The following ZNF438 variants were observed in gnomAD, a reference collection of about 807,000 sequenced individuals.
ZNF438 encodes the protein zinc finger protein 438.
ZNF438 carries 25 observed loss-of-function variants against 38.0 expected under a neutral mutation model. The observed-to-expected ratio is 0.66, with a 90% CI of 0.48 to 0.92. The LOEUF is 0.92. Among genes scored for constraint, ZNF438 ranks in the 40% least tolerant of loss-of-function variants. The pLI is 0.00. For missense variants in ZNF438, 1,007 were observed against 999.6 expected, an observed-to-expected ratio of 1.01 and a Z score of -0.10; for synonymous variants, 372 against 364.1, an observed-to-expected ratio of 1.02 and a Z score of -0.25.
intron 3 of ZNF438, among the ~76,000 whole-genome samples, chr10:30,883,382 C>T (rs1342658565): frequency 6.6e-6 from 1 of 152,084 alleles, no homozygotes. Context: ...AAAAAATCAT[C>T]ATTGTAATGT....
chr10:30,952,021 C>G (rs1243318624), intron 1 of ZNF438, among the ~76,000 whole-genome samples: 1 of 149,768 alleles, frequency 6.7e-6, no homozygotes, highest in African/African-American at 2.4e-5. Flanking sequence ...CTACAGTAAC[C>G]AAAACAGCAT....
intron 2 of ZNF438, among the ~76,000 whole-genome samples, chr10:30,936,275 C>T (rs568204581): frequency 6.6e-6 from 1 of 152,142 alleles, no homozygotes; most frequent in Non-Finnish European, 1.5e-5. Flanking sequence ...ATAAATGTTA[C>T]CCCCTTTCTC....
At chr10:30,856,284 G>A (rs528578187) in intron 4 of ZNF438, among the ~76,000 whole-genome samples, 5 of 152,292 alleles carry the variant, frequency 3.3e-5, no homozygotes, top group African/African-American at 1.2e-4. Flanking sequence ...AAGTGGAGTT[G>A]TACAAATTAT....
chr10:30,887,346 C>T (rs919938214), intron 3 of ZNF438, among the ~76,000 whole-genome samples: 7 of 152,152 alleles, frequency 4.6e-5, no homozygotes, highest in African/African-American at 9.7e-5. Context: ...TGGTATGCTG[C>T]GCCCCCTCCT....
chr10:30,859,109 C>G (rs1199833179), intron 4 of ZNF438, among the ~76,000 whole-genome samples: 1 of 152,142 alleles, frequency 6.6e-6, no homozygotes, highest in Non-Finnish European at 1.5e-5. Context: ...GAGACAGGGT[C>G]TCACTCTGTC....
chr10:30,989,695 A>T (rs1265018126), intron 1 of ZNF438, among the ~76,000 whole-genome samples: 1 of 152,202 alleles, frequency 6.6e-6, no homozygotes, highest in Admixed American at 6.5e-5. Context: ...TGGTGTTGTC[A>T]TTCTGAGACT....
chr10:30,992,459 T>C (rs1408999750), intron 1 of ZNF438, among the ~76,000 whole-genome samples: 1 of 151,332 alleles, frequency 6.6e-6, no homozygotes, highest in Non-Finnish European at 1.5e-5. Context: ...GTCGCCCAAG[T>C]TGGAGTGCAA....
intron 4 of ZNF438, among the ~76,000 whole-genome samples, chr10:30,861,383 T>TCCATGGATGCAGAAC (rs1323785569): frequency 1.3e-5 from 2 of 152,174 alleles, no homozygotes; most frequent in Admixed American, 6.5e-5. Context: ...GTTAGTTGAA[T>TCCATGGATGCAGAAC]CCATGGATGC....
Position 30,983,422 on chromosome 10 carries a change from A to G in ZNF438, c.-191-41771T>C, listed in dbSNP as rs956486403. Reference sequence around the variant, plus strand: ...GGTACATCTTACATGGCTGAAGAGGAATAGTGTGAAGGGGGAGGTGTTACA... The same window carrying G: ...GGTACATCTTACATGGCTGAAGAGGGATAGTGTGAAGGGGGAGGTGTTACA... On this transcript the variant is annotated intron_variant, in intron 1 of 5. Transcript: ENST00000413025. Among the ~76,000 whole-genome samples the G allele has an allele frequency of 2.6e-5, 4 of 152,316 alleles. No individual in the cohort carries two copies. The East Asian group carries it at 5.8e-4, about 22-fold the overall frequency.
chr10:30,979,763 T>A (rs1435798611), intron 1 of ZNF438, among the ~76,000 whole-genome samples: 1 of 152,212 alleles, frequency 6.6e-6, no homozygotes, highest in Admixed American at 6.5e-5. Flanking sequence ...GGAGTCTAAG[T>A]CTCTTTGTAG....
intron 1 of ZNF438, among the ~76,000 whole-genome samples, chr10:31,016,895 T>C (rs1412338595): frequency 6.6e-6 from 1 of 152,172 alleles, no homozygotes; most frequent in Non-Finnish European, 1.5e-5. Context: ...AGTCATCTCC[T>C]TTCTAAAGGG....
chr10:30,929,126 C>T (rs992263712), intron 2 of ZNF438, among the ~76,000 whole-genome samples: 4 of 152,184 alleles, frequency 2.6e-5, no homozygotes, highest in African/African-American at 4.8e-5. Flanking sequence ...GGCACAGTGG[C>T]TTATGCCTGC....
chr10:30,976,477 C>T (rs2051362512), intron 1 of ZNF438, among the ~76,000 whole-genome samples: 1 of 152,210 alleles, frequency 6.6e-6, no homozygotes, highest in South Asian at 2.1e-4. Context: ...TGCAGTGGCA[C>T]ACACCTGTAA....
intron 3 of ZNF438, among the ~76,000 whole-genome samples, chr10:30,898,467 G>T (rs1002470905): frequency 3.9e-5 from 6 of 151,978 alleles, no homozygotes; most frequent in African/African-American, 1.2e-4. Flanking sequence ...GGTTACTTTT[G>T]GGGCTTGACT....
At position 30,902,617 on chromosome 10, in the gene ZNF438, C is replaced by A. The variant is rs372915063; in HGVS notation, c.-32+6316G>T. Among the ~76,000 whole-genome samples the A allele has an allele frequency of 7.9e-5, 12 of 152,220 alleles. No homozygotes were observed. In the East Asian group the frequency reaches 2.1e-3, roughly 27 times the overall value. On this transcript the variant is annotated intron_variant, in intron 3 of 5. Coordinates refer to ENST00000413025, the Ensembl canonical transcript of ZNF438. Reference sequence around the variant, plus strand: ...CCAAGTACCCACCAGATTAGCTAGACACAGAGCGCTGATTGGTGCATTTAC... The same window carrying A: ...CCAAGTACCCACCAGATTAGCTAGAAACAGAGCGCTGATTGGTGCATTTAC...
At chr10:30,979,230 T>G (rs1248661090) in intron 1 of ZNF438, among the ~76,000 whole-genome samples, 1 of 152,242 alleles carries the variant, frequency 6.6e-6, no homozygotes, top group Non-Finnish European at 1.5e-5. Flanking sequence ...TTTTCATGCC[T>G]GCTAACATGA....
At chr10:30,980,762 T>C (rs1218769157) in intron 1 of ZNF438, among the ~76,000 whole-genome samples, 6 of 152,178 alleles carry the variant, frequency 3.9e-5, no homozygotes, top group African/African-American at 1.4e-4. Context: ...GACTGAGCCC[T>C]GAGAAATGTC....
At chr10:30,961,291 A>T (rs572003695) in intron 1 of ZNF438, among the ~76,000 whole-genome samples, 1 of 145,672 alleles carries the variant, frequency 6.9e-6, no homozygotes, top group East Asian at 1.9e-4. Context: ...ATACCTTTTT[A>T]AAAAATTATT....
At chr10:30,846,680 C>T (rs1434525598) in intron 5 of ZNF438, among the ~76,000 whole-genome samples, 1 of 152,168 alleles carries the variant, frequency 6.6e-6, no homozygotes, top group Non-Finnish European at 1.5e-5. Flanking sequence ...ACCCAGGCAC[C>T]CCTGTGCTCT....
Sources: gnomAD v4.1 joint callset for allele counts (sites outside exome capture counted in the v4.1 genomes callset) on GRCh38, gnomAD v4.1.1 for gene constraint, MANE v1.5 for transcripts, NCBI Gene and HGNC (gene_info 2026-07-23, HGNC 2026-07-21) for gene names.